The following TMEM132C variants were observed in gnomAD, a reference collection of about 807,000 sequenced individuals.
TMEM132C encodes protein phosphatase 1, regulatory subunit 152.
A neutral mutation model predicts 61.4 loss-of-function variants in TMEM132C; 29 were observed. The ratio of observed to expected loss-of-function variants is 0.47; its 90% CI spans 0.35 to 0.64. The LOEUF is 0.64. Among genes scored for constraint, TMEM132C ranks in the 30% least tolerant of loss-of-function variants. The pLI is 0.00. For synonymous variants in TMEM132C, 656 were observed against 633.1 expected (o/e 1.04, Z -0.54); for missense variants, 1,408 against 1,476.9 (o/e 0.95, Z 0.76).
chr12:128,496,868 C>A (rs1299495347), intron 2 of TMEM132C, among the ~76,000 whole-genome samples: 1 of 152,222 alleles, frequency 6.6e-6, no homozygotes, highest in African/African-American at 2.4e-5. Context: ...TGTTCCATTG[C>A]TGGCGAGGAG....
chr12:128,443,818 C>T (rs565077629), intron 2 of TMEM132C, among the ~76,000 whole-genome samples: 2 of 152,312 alleles, frequency 1.3e-5, no homozygotes, highest in South Asian at 2.1e-4. Flanking sequence ...TCCAGCTGCC[C>T]GGAATGCTCC....
chr12:128,647,279 G>A lies in TMEM132C; in HGVS notation c.1306-22138G>A, dbSNP rs11830002. Among the ~76,000 whole-genome samples, 1,320 of 151,176 alleles carry A rather than the reference G, an allele frequency of 8.7e-3. 7 individuals are homozygous for A. The highest frequency in any genetic ancestry group is 0.03 in the African/African-American group (1,234 of 40,866). ...TAGATCCCATCAGTGTTGGATGTGA[G>A]TGTGTTTACTGGAGCCCATCAGCAT... On this transcript the variant is annotated intron_variant, in intron 4 of 8. Coordinates refer to ENST00000435159, the MANE Select transcript of TMEM132C (RefSeq NM_001136103.3).
At chr12:128,641,269 GACA>G (rs1419773774) in intron 4 of TMEM132C, among the ~76,000 whole-genome samples, 1 of 152,088 alleles carries the variant, frequency 6.6e-6, no homozygotes, top group Non-Finnish European at 1.5e-5. Context: ...ATAACACTAA[GACA>G]ACAACTGCAG....
intron 3 of TMEM132C, among the ~76,000 whole-genome samples, chr12:128,546,989 G>A (rs565424935): frequency 3.3e-5 from 5 of 152,164 alleles, no homozygotes; most frequent in African/African-American, 9.7e-5. Flanking sequence ...TTGGGGTACC[G>A]AGGTCAGGCC....
chr12:128,442,486 C>T (rs1368992834), intron 2 of TMEM132C, among the ~76,000 whole-genome samples: 1 of 151,568 alleles, frequency 6.6e-6, no homozygotes, highest in Non-Finnish European at 1.5e-5. Flanking sequence ...GGGTGAGGTT[C>T]AGGCATTGGT....
intron 1 of TMEM132C, among the ~76,000 whole-genome samples, chr12:128,342,016 T>A (rs1872990964): frequency 6.6e-6 from 1 of 151,940 alleles, no homozygotes; most frequent in African/African-American, 2.4e-5. Context: ...CTTCTTTTTT[T>A]TTTTTTCTTT....
chr12:128,535,865 CAA>C (rs58712156), intron 2 of TMEM132C, among the ~76,000 whole-genome samples: 10,831 of 142,826 alleles, frequency 0.076, 1,282 homozygotes, highest in African/African-American at 0.26. Context: ...AAGACTCCAT[CAA>C]AAAAAAAAAA....
intron 2 of TMEM132C, among the ~76,000 whole-genome samples, chr12:128,542,667 C>CAGG (rs1873797985): frequency 6.6e-6 from 1 of 151,998 alleles, no homozygotes; most frequent in African/African-American, 2.4e-5. Context: ...TGAGACCATC[C>CAGG]TGGCCAGCAT....
At chr12:128,412,604 C>T (rs1158834159) in intron 1 of TMEM132C, among the ~76,000 whole-genome samples, 3 of 152,168 alleles carry the variant, frequency 2.0e-5, no homozygotes, top group South Asian at 2.1e-4. Flanking sequence ...TGGGAGTTCT[C>T]CTGCACAAGC....
At chr12:128,629,219 T>TA (rs370792588) in intron 4 of TMEM132C, among the ~76,000 whole-genome samples, 24 of 151,476 alleles carry the variant, frequency 1.6e-4, no homozygotes, top group African/African-American at 4.8e-4. Context: ...ATCTTAAGAA[T>TA]AAAAAAAAAC....
At chr12:128,553,463 A>G (rs186117909) in intron 3 of TMEM132C, among the ~76,000 whole-genome samples, 29 of 152,260 alleles carry the variant, frequency 1.9e-4, no homozygotes, top group Non-Finnish European at 2.2e-4. Context: ...GTATTTTTAT[A>G]CCATTGAGAT....
chr12:128,596,444 T>C (rs1875954191), intron 3 of TMEM132C, among the ~76,000 whole-genome samples: 1 of 148,392 alleles, frequency 6.7e-6, no homozygotes, highest in African/African-American at 2.5e-5. Context: ...CAGGTCTTGG[T>C]ACAGAGGTGG....
intron 5 of TMEM132C, among the ~76,000 whole-genome samples, chr12:128,692,505 T>C (rs1450413962): frequency 1.3e-5 from 2 of 152,200 alleles, no homozygotes; most frequent in Non-Finnish European, 2.9e-5. Context: ...CCCAACTTGG[T>C]TTCTATTTTC....
intron 1 of TMEM132C, among the ~76,000 whole-genome samples, chr12:128,369,799 G>A (rs535938624): frequency 1.3e-4 from 20 of 152,282 alleles, no homozygotes; most frequent in East Asian, 5.8e-4. Flanking sequence ...TCATCGAGGC[G>A]TGCTGCCATG....
At chr12:128,333,802 G>A (rs573211102) in intron 1 of TMEM132C, among the ~76,000 whole-genome samples, 1 of 151,192 alleles carries the variant, frequency 6.6e-6, no homozygotes, top group South Asian at 2.1e-4. Flanking sequence ...TGGCTTGTTT[G>A]TGGTGTGTGT....
At position 128,326,557 on chromosome 12, in the gene TMEM132C, C is replaced by T. The variant is rs1057200903; in HGVS notation, c.85+59070C>T. On this transcript the variant is annotated intron_variant, in intron 1 of 8. Transcript: ENST00000435159. The surrounding 1 kb of genome is among the most constrained non-coding windows in gnomAD (Gnocchi z 5.6). ...GGAGCAGCCCAGGCTTCCACAATATCTAGAATTGGAACAGTAGCCCCAGGA... is the reference window on the plus strand; with the variant it reads ...GGAGCAGCCCAGGCTTCCACAATATTTAGAATTGGAACAGTAGCCCCAGGA... Among the ~76,000 whole-genome samples, 3 of 152,158 alleles carry T rather than the reference C, an allele frequency of 2.0e-5. No homozygotes were observed. The highest frequency in any genetic ancestry group is 7.2e-5 in the African/African-American group (3 of 41,432).
chr12:128,433,241 C>T (rs1869456313), intron 2 of TMEM132C, among the ~76,000 whole-genome samples: 3 of 152,056 alleles, frequency 2.0e-5, no homozygotes, highest in Non-Finnish European at 2.9e-5. Flanking sequence ...CACTTTATTT[C>T]ACTGGTCTAG....
Position 128,386,358 on chromosome 12 carries a change from AG to A in TMEM132C, c.86-28370del, listed in dbSNP as rs375357044. Among the ~76,000 whole-genome samples the A allele has an allele frequency of 3.1e-3, 467 of 152,288 alleles. 3 individuals carry two copies. The highest frequency in any genetic ancestry group is 9.7e-3 in the African/African-American group (402 of 41,558). On this transcript the variant is annotated intron_variant, in intron 1 of 8. Coordinates refer to ENST00000435159, the MANE Select transcript of TMEM132C (RefSeq NM_001136103.3). ...GGGCCAACGCTTGCCTTTGAACCAC[AG>A]GGGAGACACCCTGATTTTCCCCCTC...
At chr12:128,670,001 T>C (rs986380915) in intron 5 of TMEM132C, among the ~76,000 whole-genome samples, 1 of 152,228 alleles carries the variant, frequency 6.6e-6, no homozygotes, top group Non-Finnish European at 1.5e-5. Context: ...CACATACTTA[T>C]CTTTTTTATG....
Sources: gnomAD v4.1 joint callset for allele counts (sites outside exome capture counted in the v4.1 genomes callset) on GRCh38, gnomAD v4.1.1 for gene constraint, Gnocchi (gnomAD v3.1) non-coding constraint, MANE v1.5 for transcripts, NCBI Gene and HGNC (gene_info 2026-07-23, HGNC 2026-07-21) for gene names.